Variants in SVIL observed in about 807,000 individuals in gnomAD.
The protein encoded by SVIL is archvillin.
In SVIL, 101 loss-of-function variants were observed where a neutral mutation model predicts 240.4. The observed-to-expected ratio is 0.42, with a 90% CI of 0.36 to 0.50. SVIL has a LOEUF of 0.50. Among genes scored for constraint, SVIL ranks in the 20% least tolerant of loss-of-function variants. The probability of loss-of-function intolerance (pLI) is 0.01; values close to 1 mark genes in which losing one functional copy is unlikely to be tolerated. For synonymous variants in SVIL, 999 were observed against 1,100.0 expected (o/e 0.91, Z 1.82); for missense variants, 2,512 against 2,818.7 (o/e 0.89, Z 2.46).
chr10:29,615,799 T>C (rs1407759699), intron 1 of SVIL, among the ~76,000 whole-genome samples: 1 of 152,216 alleles, frequency 6.6e-6, no homozygotes, highest in African/African-American at 2.4e-5. Context: ...AGTACAAAAA[T>C]GTTTTCCAAA....
chr10:29,689,545 A>G (rs1227114251), intron 1 of SVIL, among the ~76,000 whole-genome samples: 2 of 152,110 alleles, frequency 1.3e-5, no homozygotes, highest in Non-Finnish European at 2.9e-5. Flanking sequence ...CGGCCTCCCA[A>G]AGTGCTGGGA....
At chr10:29,731,468 G>A (rs913933767) in intron 1 of SVIL, among the ~76,000 whole-genome samples, 2 of 152,164 alleles carry the variant, frequency 1.3e-5, no homozygotes, top group Non-Finnish European at 2.9e-5. Flanking sequence ...GAGACACATT[G>A]TAACTTTTAT....
chr10:29,552,310 A>G (rs1045143016), intron 5 of SVIL, among the ~76,000 whole-genome samples: 8 of 152,084 alleles, frequency 5.3e-5, no homozygotes, highest in Non-Finnish European at 1.2e-4. Flanking sequence ...GCACTTTGGG[A>G]GGCTGAGGCA....
Position 29,487,267 on chromosome 10 carries a change from G to C in SVIL, c.4381C>G (p.Pro1461Ala), listed in dbSNP as rs1588939912. The C allele has an allele frequency of 1.2e-6, 2 of 1,614,176 alleles. No homozygotes were observed. Among genetic ancestry groups the C allele is most frequent in the Admixed American group, 1.7e-5 (1 of 60,024 alleles). ...CCACTGTTGAGCGCCGAAGCTCGAG[G>C]TTCCACCAGCCTGGTCTGCACATGT... ...RRHVQTRLVE[P>A]RASALNSGDC... The change falls in exon 24 of 38, where the codon CCT becomes GCT. Residue 1461 changes from proline (P) to alanine (A), a missense_variant. By Grantham distance (27) the Pro-to-Ala change is conservative (BLOSUM62 -1). Coordinates refer to ENST00000355867, the MANE Select transcript of SVIL (RefSeq NM_021738.3).
In SVIL at chr10:29,651,618, T is replaced by TTCTCTCTCTCTCTCTCTC. The variant is rs9299622; in HGVS notation, c.-201+6333_-201+6350dup. 8.9e-3 allele frequency among the ~76,000 whole-genome samples: 1,211 copies of TTCTCTCTCTCTCTCTCTC among 135,362 alleles called. 18 individuals carry two copies. The highest frequency in any genetic ancestry group is 0.046 in the East Asian group (200 of 4,350). 88.8% of individuals were successfully genotyped at this position (135,362 alleles called of 152,430 possible). On this transcript the variant is annotated intron_variant, in intron 3 of 35. Transcript: ENST00000375400. ...TCTACCTCATCCTGTGCCACATGCATTCTCTCTCTCTCTCTCTCTCTCTCT... is the reference window on the plus strand; with the variant it reads ...TCTACCTCATCCTGTGCCACATGCATTCTCTCTCTCTCTCTCTCTCTCTCTCTCTCTCTCTCTCTCTCT...
chr10:29,518,581 C>G (rs959598979), intron 16 of SVIL, among the ~76,000 whole-genome samples: 1 of 152,070 alleles, frequency 6.6e-6, no homozygotes, highest in Non-Finnish European at 1.5e-5. Context: ...GAAAGCCGGG[C>G]GCAGTGGCTC....
chr10:29,508,214 T>G, intron 17 of SVIL: 1 of 462,090 alleles, frequency 2.2e-6, no homozygotes, highest in South Asian at 1.8e-5. Context: ...ACAAAGGCTG[T>G]GTCTGGTCTG....
At position 29,532,130 on chromosome 10, in the gene SVIL, G is replaced by A. The variant is rs759002721; in HGVS notation, c.1881C>T (p.Pro627=). 1 of 1,613,972 alleles carries A rather than the reference G, an allele frequency of 6.2e-7. No individual in the cohort carries two copies. The highest frequency in any genetic ancestry group is 8.5e-7 in the Non-Finnish European group (1 of 1,179,874). Residue 627 remains proline, a synonymous_variant, in exon 9 of 38, where the codon CCC becomes CCT. Coordinates refer to ENST00000355867, the MANE Select transcript of SVIL (RefSeq NM_021738.3). ...VERSAEGPGL[P]TGVERERGSR... is the part of the protein sequence containing the mutation. ...ACCCTCTCTCCCGTTCCACACCGGT[G>A]GGCAAGCCAGGTCCTTCAGCCGACC...
intron 1 of SVIL, among the ~76,000 whole-genome samples, chr10:29,610,306 T>C (rs1407941312): frequency 6.6e-6 from 1 of 151,952 alleles, no homozygotes; most frequent in East Asian, 1.9e-4. Context: ...TCTGGTGGTG[T>C]CTCCTCCTCC....
intron 3 of SVIL, among the ~76,000 whole-genome samples, 196 bp downstream of exon 3, chr10:29,563,005 T>C (rs1036336016): frequency 3.3e-5 from 5 of 150,552 alleles, no homozygotes; most frequent in African/African-American, 9.8e-5. Flanking sequence ...CAAGAAGGAG[T>C]AGAAAGGTGA....
At chr10:29,461,643 A>G (rs929045810) in intron 36 of SVIL, among the ~76,000 whole-genome samples, 13 of 152,190 alleles carry the variant, frequency 8.5e-5, no homozygotes, top group African/African-American at 3.1e-4. Context: ...TATATAAGAA[A>G]TTCAACATAG....
chr10:29,494,502 T>C (rs1948251625), intron 20 of SVIL, among the ~76,000 whole-genome samples: 1 of 152,270 alleles, frequency 6.6e-6, no homozygotes, highest in Non-Finnish European at 1.5e-5. Context: ...CATTGACTTT[T>C]ATATTGAAAC....
rs560005125 is a variant in SVIL, at chr10:29,465,520, C to G, written c.6133+75G>C. 7 of 1,517,398 alleles carry G rather than the reference C, an allele frequency of 4.6e-6. No individual in the cohort carries two copies. The African/African-American group carries it at 8.4e-5, about 18-fold the overall frequency. The allele number at this position is 1,517,398 out of a possible 1,614,324, so 94.0% of individuals were successfully genotyped here. A position where few individuals can be genotyped will look rare whatever the true frequency, so the allele number is the denominator to read the frequency against. ...GCAAACAGAAGCTGCTTAATAAATACCAACGTAAAATCAAAAGGCTTTCTG... is the reference window on the plus strand; with the variant it reads ...GCAAACAGAAGCTGCTTAATAAATAGCAACGTAAAATCAAAAGGCTTTCTG... On this transcript the variant is annotated intron_variant, in intron 34 of 37. Transcript: ENST00000355867.
chr10:29,720,069 G>A (rs1247094), intron 1 of SVIL, among the ~76,000 whole-genome samples: 53,909 of 152,062 alleles, frequency 0.35, 9,872 homozygotes, highest in African/African-American at 0.44. Flanking sequence ...GCAGCTGGGC[G>A]TGGTGGCATG....
chr10:29,622,717 C>T (rs541538948), intron 1 of SVIL, among the ~76,000 whole-genome samples: 1 of 152,276 alleles, frequency 6.6e-6, no homozygotes, highest in South Asian at 2.1e-4. Context: ...TGACCTTAAA[C>T]CGAAACACAA....
At chr10:29,643,822 C>T (rs1275437623) in intron 3 of SVIL, among the ~76,000 whole-genome samples, 7 of 152,100 alleles carry the variant, frequency 4.6e-5, no homozygotes, top group East Asian at 1.9e-4. Context: ...TTTTCTCTCC[C>T]GGGCTGTAGC....
chr10:29,591,556 A>C (rs1956390433), intron 1 of SVIL, among the ~76,000 whole-genome samples: 2 of 152,242 alleles, frequency 1.3e-5, no homozygotes, highest in Admixed American at 1.3e-4. Context: ...TTTGTACATA[A>C]GCATTGCTAC....
intron 13 of SVIL, among the ~76,000 whole-genome samples, chr10:29,526,351 C>T (rs545688024): frequency 3.8e-5 from 5 of 132,010 alleles, no homozygotes; most frequent in South Asian, 4.7e-4. Context: ...TGTCACCAGG[C>T]GGGAGTGCAG....
intron 29 of SVIL, among the ~76,000 whole-genome samples, chr10:29,477,043 A>G (rs1946272988): frequency 6.6e-6 from 1 of 151,916 alleles, no homozygotes; most frequent in African/African-American, 2.4e-5. Context: ...TTTGTATTTT[A>G]GTAGAGACAG....
Sources: gnomAD v4.1 joint callset for allele counts (sites outside exome capture counted in the v4.1 genomes callset) on GRCh38, gnomAD v4.1.1 for gene constraint, MANE v1.5 for transcripts, NCBI Gene and HGNC (gene_info 2026-07-23, HGNC 2026-07-21) for gene names.